Variants in ADGRL3 observed in about 807,000 individuals in gnomAD.
ADGRL3 encodes calcium-independent alpha-latrotoxin receptor 3.
In ADGRL3, 62 loss-of-function variants were observed where a neutral mutation model predicts 153.5. The observed-to-expected ratio is 0.40, with a 90% CI of 0.33 to 0.50. The LOEUF is 0.50. ADGRL3 is among the 20% of genes least tolerant of loss of function. The pLI, the probability that ADGRL3 is intolerant of heterozygous loss-of-function variation, is 0.47. For synonymous variants in ADGRL3, 710 were observed against 672.5 expected, an observed-to-expected ratio of 1.06 and a Z score of -0.86; for missense variants, 1,641 against 1,859.4, an observed-to-expected ratio of 0.88 and a Z score of 2.16.
intron 2 of ADGRL3, among the ~76,000 whole-genome samples, chr4:61,439,943 A>G (rs889701693): frequency 2.0e-5 from 3 of 152,182 alleles, no homozygotes; most frequent in Non-Finnish European, 2.9e-5. Flanking sequence ...ATTTTTATAC[A>G]TAAGTCATAT....
rs564717842 is a variant in ADGRL3 at position 61,425,415 on chromosome 4, C to T, written c.-174+42226C>T. 7.9e-5 allele frequency: 12 copies of T among 152,552 alleles called. No homozygotes were observed. In the East Asian group the frequency reaches 2.3e-3, roughly 29 times the overall value. 9.4% of individuals were successfully genotyped at this position (152,552 alleles called of 1,614,324 possible). A position where few individuals can be genotyped will look rare whatever the true frequency, so the allele number is the denominator to read the frequency against. On this transcript the variant is annotated intron_variant, in intron 2 of 26. Transcript: ENST00000683033. ...TGGCAGGGCAAGCCGTCCATAGCTG[C>T]TGCTGGAAGGGTGGTGCAGATCCTA...
intron 9 of ADGRL3, among the ~76,000 whole-genome samples, chr4:61,845,828 T>C (rs1338228988): frequency 6.6e-6 from 1 of 152,176 alleles, no homozygotes; most frequent in East Asian, 1.9e-4. Flanking sequence ...AATATACTGA[T>C]ACACTTAAAA....
chr4:61,901,805 GT>G (rs2098666171), intron 11 of ADGRL3, among the ~76,000 whole-genome samples: 1 of 151,930 alleles, frequency 6.6e-6, no homozygotes, highest in African/African-American at 2.4e-5. Context: ...AAGCTACTGG[GT>G]TTTCCCTCCC....
chr4:61,503,297 T>C (rs1349728331), intron 3 of ADGRL3, among the ~76,000 whole-genome samples: 1 of 152,160 alleles, frequency 6.6e-6, no homozygotes, highest in Non-Finnish European at 1.5e-5. Flanking sequence ...GTGTACATAT[T>C]TGGAGTAAAA....
At chr4:62,032,079 T>A (rs528904496) in intron 23 of ADGRL3, among the ~76,000 whole-genome samples, 1 of 151,650 alleles carries the variant, frequency 6.6e-6, no homozygotes, top group South Asian at 2.1e-4. Context: ...CATTAGAACA[T>A]ATAAATGTTT....
chr4:61,552,328 A>T (rs2098744027), intron 4 of ADGRL3, among the ~76,000 whole-genome samples: 1 of 152,196 alleles, frequency 6.6e-6, no homozygotes, highest in Admixed American at 6.6e-5. Context: ...TCAACTTAAA[A>T]ATATTTTTTC....
intron 3 of ADGRL3, among the ~76,000 whole-genome samples, chr4:61,514,195 C>A (rs958119643): frequency 6.6e-6 from 1 of 152,080 alleles, no homozygotes; most frequent in African/African-American, 2.4e-5. Flanking sequence ...CCTTCCTTGA[C>A]CTAAGGAAAC....
chr4:62,058,515 G>C (rs753269432), intron 25 of ADGRL3, among the ~76,000 whole-genome samples: 11 of 152,104 alleles, frequency 7.2e-5, no homozygotes, highest in Non-Finnish European at 1.3e-4. Flanking sequence ...TAGACACTTG[G>C]TGTAGAGCAG....
intron 2 of ADGRL3, among the ~76,000 whole-genome samples, chr4:61,487,340 A>C (rs1228803114): frequency 2.0e-5 from 3 of 152,138 alleles, no homozygotes; most frequent in Admixed American, 6.5e-5. Context: ...CCCCTTCCTT[A>C]TGGAGTTTTT....
intron 5 of ADGRL3, among the ~76,000 whole-genome samples, chr4:61,637,338 G>A (rs2093468513): frequency 6.6e-6 from 1 of 152,142 alleles, no homozygotes; most frequent in African/African-American, 2.4e-5. Context: ...TCATGCAGCA[G>A]AAGCCAAGCA....
At chr4:61,643,886 C>T (rs557441153) in intron 5 of ADGRL3, among the ~76,000 whole-genome samples, 2 of 147,926 alleles carry the variant, frequency 1.4e-5, no homozygotes, top group East Asian at 3.9e-4. Context: ...CCTTTTACCT[C>T]TGGTAGAATT....
intron 8 of ADGRL3, among the ~76,000 whole-genome samples, chr4:61,777,919 G>A (rs1353301865): frequency 3.3e-5 from 5 of 152,126 alleles, no homozygotes; most frequent in African/African-American, 2.4e-5. Flanking sequence ...AACAAAGTGG[G>A]TTGGTCTTTC....
chr4:61,687,923 A>T (rs1011893564), intron 6 of ADGRL3, among the ~76,000 whole-genome samples: 1 of 152,006 alleles, frequency 6.6e-6, no homozygotes, highest in Non-Finnish European at 1.5e-5. Flanking sequence ...ATTTCATGAA[A>T]ACTTAATTAT....
intron 19 of ADGRL3, among the ~76,000 whole-genome samples, chr4:61,991,467 GA>G (rs1181541344): frequency 2.6e-5 from 4 of 152,064 alleles, no homozygotes; most frequent in Middle Eastern, 3.4e-3. Flanking sequence ...GCATTTTGCT[GA>G]AAAAACTAAT....
intron 1 of ADGRL3, among the ~76,000 whole-genome samples, chr4:61,238,585 A>G (rs2149291593): frequency 6.6e-6 from 1 of 152,136 alleles, no homozygotes; most frequent in African/African-American, 2.4e-5. Flanking sequence ...TCAACCTAAA[A>G]TTGATGAGCC....
At chr4:61,750,496 T>C (rs1328751394) in intron 8 of ADGRL3, among the ~76,000 whole-genome samples, 1 of 152,114 alleles carries the variant, frequency 6.6e-6, no homozygotes, top group Non-Finnish European at 1.5e-5. Flanking sequence ...TGGACATATA[T>C]TAGAACTGAA....
chr4:61,597,912 C>A (rs979330464), intron 5 of ADGRL3, among the ~76,000 whole-genome samples: 2 of 151,944 alleles, frequency 1.3e-5, no homozygotes, highest in Non-Finnish European at 2.9e-5. Flanking sequence ...TTAAAATCTT[C>A]TGGACAGTGG....
chr4:61,910,208 T>C (rs2149819007), intron 12 of ADGRL3, among the ~76,000 whole-genome samples: 1 of 152,016 alleles, frequency 6.6e-6, no homozygotes, highest in African/African-American at 2.4e-5. Flanking sequence ...ATAGATGATT[T>C]AAAAACTGAG....
chr4:61,980,148 C>T (rs559456097), intron 18 of ADGRL3, among the ~76,000 whole-genome samples: 6 of 152,030 alleles, frequency 3.9e-5, no homozygotes, highest in Admixed American at 2.0e-4. Context: ...GAACCTGCAT[C>T]AACACATCAT....
Sources: gnomAD v4.1 joint callset for allele counts (sites outside exome capture counted in the v4.1 genomes callset) on GRCh38, gnomAD v4.1.1 for gene constraint, MANE v1.5 for transcripts, NCBI Gene and HGNC (gene_info 2026-07-23, HGNC 2026-07-21) for gene names.